The following OTUD7A variants were observed in gnomAD, a reference collection of about 807,000 sequenced individuals.
OTUD7A encodes OTU domain-containing protein 7A.
In OTUD7A, 12 loss-of-function variants were observed where a neutral mutation model predicts 65.7. The ratio of observed to expected loss-of-function variants is 0.18; its 90% CI spans 0.12 to 0.30. The LOEUF is 0.30. Ranked by LOEUF, OTUD7A falls within the 10% of genes least tolerant of loss-of-function variation. The pLI is 1.00. For missense variants in OTUD7A, 1,148 were observed against 1,304.8 expected (o/e 0.88, Z 1.85); for synonymous variants, 641 against 586.3 (o/e 1.09, Z -1.35).
chr15:31,860,578 T>C (rs1348415038), intron 1 of OTUD7A, among the ~76,000 whole-genome samples: 8 of 138,662 alleles, frequency 5.8e-5, no homozygotes, highest in Non-Finnish European at 9.4e-5. Context: ...TAATTATAAA[T>C]ACTTGTTCAA....
At chr15:31,754,273 T>C (rs1301813252) in intron 1 of OTUD7A, among the ~76,000 whole-genome samples, 1 of 152,152 alleles carries the variant, frequency 6.6e-6, no homozygotes, top group Non-Finnish European at 1.5e-5. Context: ...TTGTCAGACA[T>C]ATAGATTGTG....
chr15:31,631,964 G>C (rs147244542), intron 3 of OTUD7A, among the ~76,000 whole-genome samples: 5 of 144,018 alleles, frequency 3.5e-5, no homozygotes, highest in Non-Finnish European at 6.2e-5. Context: ...ACTTCTCTGC[G>C]TTGATTATTC....
intron 3 of OTUD7A, among the ~76,000 whole-genome samples, chr15:31,579,288 T>C (rs989794010): frequency 2.5e-4 from 38 of 152,238 alleles, no homozygotes; most frequent in African/African-American, 8.7e-4. Flanking sequence ...TATCTTTTTC[T>C]TTAAGTCAGG....
intron 1 of OTUD7A, among the ~76,000 whole-genome samples, chr15:31,848,182 G>T (rs920233145): frequency 2.0e-5 from 3 of 152,202 alleles, no homozygotes; most frequent in Admixed American, 2.0e-4. Context: ...GCCTGCAGGT[G>T]CTGAGCAAGG....
chr15:31,663,948 T>G (rs1892246426), intron 1 of OTUD7A, among the ~76,000 whole-genome samples: 1 of 152,204 alleles, frequency 6.6e-6, no homozygotes, highest in African/African-American at 2.4e-5. Flanking sequence ...CCTGAGTTAC[T>G]TCACTTAGAA....
chr15:31,564,400 T>TTTTTTTTTTTTTTTTTTTTGA, intron 4 of OTUD7A, among the ~76,000 whole-genome samples: 1 of 150,904 alleles, frequency 6.6e-6, no homozygotes, highest in African/African-American at 2.4e-5. Flanking sequence ...TTTTTTTTTT[T>TTTTTTTTTTTTTTTTTTTTGA]AGCAAAAGAG....
At chr15:31,843,628 G>A (rs1897236598) in intron 1 of OTUD7A, among the ~76,000 whole-genome samples, 1 of 152,226 alleles carries the variant, frequency 6.6e-6, no homozygotes, top group African/African-American at 2.4e-5. Flanking sequence ...CCCCTGCTGA[G>A]CTGGGTGACA....
At chr15:31,592,896 AAAAAAAAAAT>A (rs1889775493) in intron 3 of OTUD7A, among the ~76,000 whole-genome samples, 1 of 60,786 alleles carries the variant, frequency 1.6e-5, no homozygotes, top group Non-Finnish European at 2.7e-5. Context: ...AAAAAAAAAA[AAAAAAAAAAT>A]ATATATATAT....
At chr15:31,492,541 C>A (rs2041330599) in intron 10 of OTUD7A, among the ~76,000 whole-genome samples, 1 of 149,986 alleles carries the variant, frequency 6.7e-6, no homozygotes, top group Non-Finnish European at 1.5e-5. Flanking sequence ...CAAGATCATG[C>A]CACTGCACTC....
intron 1 of OTUD7A, among the ~76,000 whole-genome samples, chr15:31,851,714 T>C (rs1464253835): frequency 2.0e-5 from 3 of 152,246 alleles, no homozygotes; most frequent in Non-Finnish European, 4.4e-5. Context: ...TTGGCCCTTC[T>C]GGCTTCTCTA....
chr15:31,643,962 G>T lies in OTUD7A; in HGVS notation c.151+11134C>A, dbSNP rs188863446. 1.3e-3 allele frequency among the ~76,000 whole-genome samples: 197 copies of T among 152,324 alleles called. 2 individuals carry two copies. The South Asian group carries it at 0.02, about 15-fold the overall frequency. The stretch of plus-strand genomic sequence containing the variant: ...CAAACAGATAAGGAAGCTGGAGCTT[G>T]CACGGGGGGATGCTTGCAGCTGCAC... On this transcript the variant is annotated intron_variant, in intron 3 of 12. Coordinates refer to ENST00000307050, the MANE Select transcript of OTUD7A (RefSeq NM_001382637.1).
intron 1 of OTUD7A, among the ~76,000 whole-genome samples, chr15:31,814,251 C>A (rs1193872888): frequency 6.6e-6 from 1 of 152,222 alleles, no homozygotes; most frequent in Non-Finnish European, 1.5e-5. Flanking sequence ...CATGTGCCAA[C>A]AACTTACTCC....
chr15:31,813,046 C>G (rs1038502068), intron 1 of OTUD7A, among the ~76,000 whole-genome samples: 1 of 152,206 alleles, frequency 6.6e-6, no homozygotes, highest in Non-Finnish European at 1.5e-5. Flanking sequence ...ACCCAAAACA[C>G]AGAGAAGGTA....
chr15:31,688,778 CTGTT>C (rs1161213776), intron 1 of OTUD7A, among the ~76,000 whole-genome samples: 6 of 150,742 alleles, frequency 4.0e-5, no homozygotes, highest in South Asian at 4.2e-4. Context: ...CTGTGTGTGT[CTGTT>C]TGTGTATAAA....
intron 1 of OTUD7A, among the ~76,000 whole-genome samples, chr15:31,841,768 T>C (rs1897188061): frequency 6.6e-6 from 1 of 152,144 alleles, no homozygotes. Flanking sequence ...AAACTTCATG[T>C]ACTCTACCTG....
At chr15:31,697,370 G>A (rs1264514974) in intron 1 of OTUD7A, among the ~76,000 whole-genome samples, 5 of 144,272 alleles carry the variant, frequency 3.5e-5, no homozygotes, top group Admixed American at 7.0e-5. Context: ...TTTCTGTGGC[G>A]TTAGCAATCA....
chr15:31,625,189 C>A (rs760275922), intron 3 of OTUD7A, among the ~76,000 whole-genome samples: 2 of 152,044 alleles, frequency 1.3e-5, no homozygotes, highest in East Asian at 3.9e-4. Context: ...CACCAGCAGC[C>A]CTGCGAGTGG....
Position 31,598,942 on chromosome 15 carries a change from A to G in OTUD7A, c.152-28745T>C, listed in dbSNP as rs28886073. ...ACAGCTCAGCAAGGCCGCCGTGGCC[A>G]GACTGCCTCTGGACTCCTCCTCTCT... On this transcript the variant is annotated intron_variant, in intron 3 of 12. Coordinates refer to ENST00000307050, the MANE Select transcript of OTUD7A (RefSeq NM_001382637.1). Among the ~76,000 whole-genome samples the G allele has an allele frequency of 3.1e-3, 466 of 152,260 alleles. 6 individuals carry two copies. Among genetic ancestry groups the G allele is most frequent in the Non-Finnish European group, 4.2e-3 (289 of 68,014 alleles).
intron 1 of OTUD7A, among the ~76,000 whole-genome samples, chr15:31,798,736 G>A (rs1003983994): frequency 6.6e-6 from 1 of 152,208 alleles, no homozygotes; most frequent in Non-Finnish European, 1.5e-5. Context: ...AAACAGCAGG[G>A]CATCAGCTAC....
Sources: gnomAD v4.1 joint callset for allele counts (sites outside exome capture counted in the v4.1 genomes callset) on GRCh38, gnomAD v4.1.1 for gene constraint, MANE v1.5 for transcripts, NCBI Gene and HGNC (gene_info 2026-07-23, HGNC 2026-07-21) for gene names.